CARHSP1: variants seen among roughly 807,000 people sequenced by gnomAD.
The protein encoded by CARHSP1 is calcium regulated heat stable protein 1.
In CARHSP1, 14 loss-of-function variants were observed where a neutral mutation model predicts 12.5. That is an observed-to-expected ratio of 1.12 (90% CI 0.74 to 1.75). CARHSP1 has a LOEUF of 1.75. Among genes scored for constraint, CARHSP1 ranks in the 40% most tolerant of loss-of-function variants. CARHSP1 has a pLI of 0.00. For synonymous variants in CARHSP1, 161 were observed against 82.0 expected (o/e 1.96, Z -5.20); for missense variants, 343 against 201.6 (o/e 1.70, Z -4.25).
At chr16:8,857,159 C>G (rs1032237410) in intron 3 of CARHSP1, among the ~76,000 whole-genome samples, 2 of 151,938 alleles carry the variant, frequency 1.3e-5, no homozygotes, top group Non-Finnish European at 2.9e-5. Flanking sequence ...TGCTCACACA[C>G]ATGCACCATG....
chr16:8,865,178 A>G (rs2061433412), intron 1 of CARHSP1, among the ~76,000 whole-genome samples: 1 of 152,110 alleles, frequency 6.6e-6, no homozygotes, highest in Non-Finnish European at 1.5e-5. Context: ...GCACAATCTC[A>G]GCTCACTGCA....
At chr16:8,855,553 G>T (rs141387007) in intron 3 of CARHSP1, among the ~76,000 whole-genome samples, 2,118 of 152,296 alleles carry the variant, frequency 0.014, 145 homozygotes, top group Admixed American at 0.12. Context: ...CCTTCCCTGG[G>T]ACTTTTGATG....
At chr16:8,862,346 T>C (rs1011700885) in intron 1 of CARHSP1, among the ~76,000 whole-genome samples, 2 of 152,140 alleles carry the variant, frequency 1.3e-5, no homozygotes. Context: ...CTGGGCACAC[T>C]GTCCGCCCAG....
chr16:8,861,658 C>T, intron 1 of CARHSP1: 1 of 1,289,122 alleles, frequency 7.8e-7, no homozygotes, highest in Admixed American at 2.3e-5. Context: ...GAGGAGGTGG[C>T]ATCCTACCTC....
In CARHSP1 at chr16:8,858,329, CCAGACCTGCCGCTGACTCACT is replaced by C. The variant is rs755951187; in HGVS notation, c.281_281+20del. 1.9e-6 allele frequency: 3 copies of C among 1,611,096 alleles called. No individual in the cohort carries two copies. Among genetic ancestry groups the C allele is most frequent in the East Asian group, 4.5e-5 (2 of 44,876 alleles). On this transcript the variant is annotated splice_donor_variant and splice_donor_5th_base_variant and coding_sequence_variant and intron_variant, in exon 3 of 4. Coordinates refer to ENST00000311052, the MANE Select transcript of CARHSP1 (RefSeq NM_014316.4). LOFTEE classifies it high-confidence loss of function. Reference sequence around the variant, plus strand: ...GAAGCGCCCACCCCAGCCAGGCCACCCAGACCTGCCGCTGACTCACTCAGAGATGTGCAGGAAGATGTCGGG... The same window carrying C: ...GAAGCGCCCACCCCAGCCAGGCCACCCAGAGATGTGCAGGAAGATGTCGGG...
intron 3 of CARHSP1, chr16:8,858,083 C>T (rs1596530020): frequency 2.1e-6 from 1 of 486,888 alleles, no homozygotes; most frequent in Non-Finnish European, 3.7e-6. Context: ...CTTACACACC[C>T]ATTCACAAAG....
In CARHSP1 at chr16:8,855,005, A is replaced by ACCCCC; in HGVS notation, c.*158_*159insGGGGG. On this transcript the variant is annotated 3_prime_UTR_variant, in exon 4 of 4. Transcript: ENST00000311052. ...GATGGCCGGGAACACCCCACACCCC[A>ACCCCC]CACCTGCCCCCCATACCCCTTCCTC... The ACCCCC allele has an allele frequency of 9.8e-6, 4 of 409,086 alleles. No individual in the cohort carries two copies. Among genetic ancestry groups the ACCCCC allele is most frequent in the Non-Finnish European group, 4.2e-6 (1 of 238,172 alleles). 25.3% of individuals were successfully genotyped at this position (409,086 alleles called of 1,614,324 possible).
At chr16:8,856,589 TCTC>T (rs541692284) in intron 3 of CARHSP1, among the ~76,000 whole-genome samples, 3 of 150,844 alleles carry the variant, frequency 2.0e-5, no homozygotes, top group South Asian at 2.1e-4. Flanking sequence ...ACCTTGGTAT[TCTC>T]CTGCCTGCCG....
At chr16:8,865,040 A>T (rs2141126159) in intron 1 of CARHSP1, among the ~76,000 whole-genome samples, 1 of 152,312 alleles carries the variant, frequency 6.6e-6, no homozygotes, top group Non-Finnish European at 1.5e-5. Flanking sequence ...TGCTTACTGC[A>T]AGGAGGGCTT....
rs140668951 is a variant in CARHSP1 at position 8,859,243 on chromosome 16, C to A, written c.86G>T (p.Arg29Leu). The change falls in exon 2 of 4, where the codon CGC becomes CTC. Residue 29 changes from arginine to leucine, a missense_variant. Physicochemically the swap from Arg to Leu is moderately radical, Grantham distance 102. Coordinates refer to ENST00000311052, the MANE Select transcript of CARHSP1 (RefSeq NM_014316.4). ...GTTGCCCCGCAGAGGGGATGGTGAG[C>A]GCTCACGGCTCCGAGGGGTGTCCAG... is the stretch of plus-strand genomic sequence containing the variant. Reference protein sequence around the residue: ...GLLDTPRSRERSPSPLRGNVV... With the variant: ...GLLDTPRSRELSPSPLRGNVV... 3 of 1,600,594 alleles carry A rather than the reference C, an allele frequency of 1.9e-6. No individual in the cohort carries two copies. Among genetic ancestry groups the A allele is most frequent in the Admixed American group, 1.7e-5 (1 of 57,794 alleles).
intron 3 of CARHSP1, 39 bp from the exon 4 acceptor site, chr16:8,855,365 G>GGACACAGCTCCCTTCCCCAA: frequency 6.9e-7 from 1 of 1,444,142 alleles, no homozygotes; most frequent in Non-Finnish European, 9.2e-7. Flanking sequence ...GCTCACACCG[G>GGACACAGCTCCCTTCCCCAA]GACACAGCTC....
At chr16:8,865,708 C>T (rs1438650494) in intron 1 of CARHSP1, among the ~76,000 whole-genome samples, 1 of 152,302 alleles carries the variant, frequency 6.6e-6, no homozygotes, top group Non-Finnish European at 1.5e-5. Context: ...CACCCTACAG[C>T]CACTGTCCAC....
At chr16:8,861,438 TAG>T (rs1348291325) in intron 1 of CARHSP1, among the ~76,000 whole-genome samples, 1 of 151,574 alleles carries the variant, frequency 6.6e-6, no homozygotes, top group African/African-American at 2.4e-5. Flanking sequence ...CCCTCATTTA[TAG>T]GAGTCTTCAA....
chr16:8,860,787 A>C (rs1201327673), intron 1 of CARHSP1, among the ~76,000 whole-genome samples: 1 of 152,046 alleles, frequency 6.6e-6, no homozygotes, highest in African/African-American at 2.4e-5. Flanking sequence ...GCGGTGGCTC[A>C]CACCTGTAAT....
Position 8,860,133 on chromosome 16 carries a change from T to A in CARHSP1, c.-7-798A>T, listed in dbSNP as rs556229755. On this transcript the variant is annotated intron_variant, in intron 1 of 3. Coordinates refer to ENST00000311052, the MANE Select transcript of CARHSP1 (RefSeq NM_014316.4). ...CACGCAGTGTCCGCCTCCAGGGAAC[T>A]GTGGAACACGTCGCAGAGAGCTCAA... The A allele has an allele frequency of 2.1e-5, 21 of 985,404 alleles. No individual in the cohort carries two copies. The South Asian group carries it at 6.6e-4, about 31-fold the overall frequency. The allele number at this position is 985,404 out of a possible 1,614,324, so 61.0% of individuals were successfully genotyped here.
chr16:8,864,908 G>A (rs2061429626), intron 1 of CARHSP1, among the ~76,000 whole-genome samples: 1 of 152,200 alleles, frequency 6.6e-6, no homozygotes, highest in Admixed American at 6.5e-5. Flanking sequence ...CCCCTGCTCA[G>A]CCTGCCCGCA....
chr16:8,861,477 A>AC (rs1227023088), intron 1 of CARHSP1, among the ~76,000 whole-genome samples: 1 of 148,096 alleles, frequency 6.8e-6, no homozygotes, highest in African/African-American at 2.5e-5. Context: ...ATCCCACCGC[A>AC]CCCCCCGAAC....
At chr16:8,863,958 A>G (rs2061413363) in intron 1 of CARHSP1, among the ~76,000 whole-genome samples, 1 of 152,146 alleles carries the variant, frequency 6.6e-6, no homozygotes, top group African/African-American at 2.4e-5. Context: ...TGTCCCCAGC[A>G]GAAGACAGGG....
chr16:8,866,456 CAG>C (rs992430061), intron 1 of CARHSP1: 113 of 984,520 alleles, frequency 1.1e-4, no homozygotes, highest in Non-Finnish European at 1.3e-4. Context: ...TGTAAACAGA[CAG>C]AGACACTGAG....
Sources: gnomAD v4.1 joint callset for allele counts (sites outside exome capture counted in the v4.1 genomes callset) on GRCh38, gnomAD v4.1.1 for gene constraint, MANE v1.5 for transcripts, NCBI Gene and HGNC (gene_info 2026-07-23, HGNC 2026-07-21) for gene names.